R3HDM1: variants seen among roughly 807,000 people sequenced by gnomAD.
R3HDM1 encodes R3H domain-containing protein 1.
R3HDM1 carries 46 observed loss-of-function variants against 141.1 expected under a neutral mutation model. That is an observed-to-expected ratio of 0.33 (90% confidence interval 0.26 to 0.42). The LOEUF (loss-of-function observed/expected upper bound fraction) is 0.42. Among genes scored for constraint, R3HDM1 ranks in the 10% least tolerant of loss-of-function variants. R3HDM1 has a pLI of 1.00. For synonymous variants in R3HDM1, 435 were observed against 472.9 expected, an observed-to-expected ratio of 0.92 and a Z score of 1.04; for missense variants, 1,184 against 1,368.3, an observed-to-expected ratio of 0.87 and a Z score of 2.12.
Position 135,535,255 on chromosome 2 carries a change from C to G in R3HDM1, c.-250+3622C>G, listed in dbSNP as rs1204681754. On this transcript the variant is annotated intron_variant, in intron 1 of 26. Coordinates refer to ENST00000683871, the MANE Select transcript of R3HDM1 (RefSeq NM_001378107.1). ...GTGGCTCACACCTGTAATCCCAGCA[C>G]TTTCGGAGACCGAGGCAGGCAGATC... is the stretch of plus-strand genomic sequence containing the variant. Among the ~76,000 whole-genome samples the G allele has an allele frequency of 3.9e-5, 6 of 152,268 alleles. No homozygotes were observed. In the East Asian group the frequency reaches 9.6e-4, roughly 24 times the overall value.
At chr2:135,593,000 A>G (rs1225387638) in intron 1 of R3HDM1, among the ~76,000 whole-genome samples, 1 of 151,912 alleles carries the variant, frequency 6.6e-6, no homozygotes, top group Non-Finnish European at 1.5e-5. Context: ...GCTCACTGCA[A>G]CCTGTGCCTC....
chr2:135,716,971 A>AAAACAAAC (rs57745000), intron 24 of R3HDM1, among the ~76,000 whole-genome samples: 12 of 151,846 alleles, frequency 7.9e-5, no homozygotes, highest in Non-Finnish European at 1.5e-5. Flanking sequence ...AACAAACAAA[A>AAAACAAAC]AAACAAACAA....
intron 16 of R3HDM1, among the ~76,000 whole-genome samples, chr2:135,646,137 C>CTTT (rs200777494): frequency 2.9e-5 from 4 of 139,630 alleles, no homozygotes; most frequent in African/African-American, 7.9e-5. Context: ...TTTATTCTAA[C>CTTT]TTTTTTTTTT....
chr2:135,659,979 T>C (rs1024392937), intron 18 of R3HDM1, among the ~76,000 whole-genome samples: 8 of 152,216 alleles, frequency 5.3e-5, no homozygotes, highest in African/African-American at 1.9e-4. Flanking sequence ...CAATCTATCA[T>C]TGACCAAAAT....
rs370801227 is a variant in R3HDM1 at position 135,625,555 on chromosome 2, C to T, written c.497+2823C>T. ...TGGTCTGCCTCCGTTTCCTAGCTTA[C>T]AACTAAAATACCTGTAATCTCCAAA... is the stretch of plus-strand genomic sequence containing the variant. On this transcript the variant is annotated intron_variant, in intron 7 of 26. Coordinates refer to ENST00000683871, the MANE Select transcript of R3HDM1 (RefSeq NM_001378107.1). 2.0e-5 allele frequency among the ~76,000 whole-genome samples: 3 copies of T among 152,128 alleles called. No homozygotes were observed. The South Asian group carries it at 6.2e-4, about 32-fold the overall frequency.
Position 135,617,172 on chromosome 2 carries a change from A to G in R3HDM1, c.303+415A>G, listed in dbSNP as rs189182242. Among the ~76,000 whole-genome samples the G allele has an allele frequency of 2.4e-3, 363 of 151,998 alleles. 13 individuals are homozygous for G. In the East Asian group the frequency reaches 0.064, roughly 27 times the overall value. On this transcript the variant is annotated intron_variant, in intron 5 of 26. Coordinates refer to ENST00000683871, the MANE Select transcript of R3HDM1 (RefSeq NM_001378107.1). Reference sequence around the variant, plus strand: ...CCCCATCTCTACTAAAAAAAATACAAAAAAATTAGCCGGGCATGGTGGTGG... The same window carrying G: ...CCCCATCTCTACTAAAAAAAATACAGAAAAATTAGCCGGGCATGGTGGTGG...
intron 1 of R3HDM1, among the ~76,000 whole-genome samples, chr2:135,547,837 G>C (rs1171761708): frequency 7.2e-6 from 1 of 138,132 alleles, no homozygotes; most frequent in Admixed American, 8.0e-5. Context: ...GCAGTGGCAC[G>C]ATCTCGGCTC....
chr2:135,622,533 C>G, intron 6 of R3HDM1, 121 bp from the exon 7 acceptor site: 1 of 1,345,638 alleles, frequency 7.4e-7, no homozygotes, highest in Non-Finnish European at 9.6e-7. Context: ...CCTACTTTGT[C>G]GAATTTTTTT....
chr2:135,584,323 G>A lies in R3HDM1; in HGVS notation c.-249-18177G>A, dbSNP rs1217103263. ...AGCCTGGGTGACAGAACGAGATTCC[G>A]TCTAAAATAAATAAATAAATATTAA... is the stretch of plus-strand genomic sequence containing the variant. On this transcript the variant is annotated intron_variant, in intron 1 of 26. Coordinates refer to ENST00000683871, the MANE Select transcript of R3HDM1 (RefSeq NM_001378107.1). The A allele has an allele frequency of 2.3e-5, 20 of 859,674 alleles. No homozygotes were observed. The South Asian group carries it at 3.7e-4, about 16-fold the overall frequency. The allele number at this position is 859,674 out of a possible 1,614,324, so 53.3% of individuals were successfully genotyped here. A position where few individuals can be genotyped will look rare whatever the true frequency, so the allele number is the denominator to read the frequency against.
chr2:135,679,744 G>T (rs1052697920), intron 20 of R3HDM1, among the ~76,000 whole-genome samples: 1 of 152,234 alleles, frequency 6.6e-6, no homozygotes, highest in African/African-American at 2.4e-5. Flanking sequence ...AGGAAAGCCT[G>T]TTGGCAGTGT....
At chr2:135,573,888 TAAAA>T (rs971580658) in intron 1 of R3HDM1, among the ~76,000 whole-genome samples, 2 of 151,876 alleles carry the variant, frequency 1.3e-5, no homozygotes, top group African/African-American at 4.8e-5. Context: ...GGTGCTTTAA[TAAAA>T]AAATTTATAG....
At chr2:135,545,538 C>T (rs1698510221) in intron 1 of R3HDM1, among the ~76,000 whole-genome samples, 2 of 152,080 alleles carry the variant, frequency 1.3e-5, no homozygotes, top group African/African-American at 2.4e-5. Flanking sequence ...ACAGAAAGTA[C>T]GAAGGCCATG....
chr2:135,629,136 G>A (rs1030690268), intron 7 of R3HDM1, among the ~76,000 whole-genome samples: 12 of 151,930 alleles, frequency 7.9e-5, no homozygotes, highest in African/African-American at 2.7e-4. Flanking sequence ...GGACAATGTG[G>A]TGAAACCCTG....
At chr2:135,684,847 TCTC>T (rs1030994383) in intron 21 of R3HDM1, among the ~76,000 whole-genome samples, 66 of 152,018 alleles carry the variant, frequency 4.3e-4, no homozygotes, top group African/African-American at 1.6e-3. Flanking sequence ...ACTGCAACCT[TCTC>T]CTACCAGGCT....
At chr2:135,711,204 TTACCTGA>T (rs899196853) in intron 23 of R3HDM1, among the ~76,000 whole-genome samples, 39 of 152,190 alleles carry the variant, frequency 2.6e-4, no homozygotes, top group African/African-American at 9.2e-4. Flanking sequence ...CAAAAACAAA[TTACCTGA>T]TACCTGATAC....
chr2:135,574,185 T>G (rs971143690), intron 1 of R3HDM1, among the ~76,000 whole-genome samples: 1 of 152,148 alleles, frequency 6.6e-6, no homozygotes, highest in African/African-American at 2.4e-5. Context: ...AAATAACCAC[T>G]AAAAATAATT....
At chr2:135,713,801 G>A (rs1402421040) in intron 23 of R3HDM1, among the ~76,000 whole-genome samples, 1 of 152,060 alleles carries the variant, frequency 6.6e-6, no homozygotes, top group Non-Finnish European at 1.5e-5. Context: ...AAGTAAGGAA[G>A]GGATGGAAGA....
At chr2:135,617,451 A>G (rs1360016650) in intron 5 of R3HDM1, among the ~76,000 whole-genome samples, 1 of 152,118 alleles carries the variant, frequency 6.6e-6, no homozygotes, top group Non-Finnish European at 1.5e-5. Flanking sequence ...TAAAGAGACC[A>G]GCCAAGACTT....
intron 21 of R3HDM1, among the ~76,000 whole-genome samples, chr2:135,705,614 G>T (rs1559481554): frequency 6.6e-6 from 1 of 151,880 alleles, no homozygotes; most frequent in Non-Finnish European, 1.5e-5. Context: ...CCAGCCTGAG[G>T]AATAGAGTGA....
Sources: gnomAD v4.1 joint callset for allele counts (sites outside exome capture counted in the v4.1 genomes callset) on GRCh38, gnomAD v4.1.1 for gene constraint, MANE v1.5 for transcripts, NCBI Gene and HGNC (gene_info 2026-07-23, HGNC 2026-07-21) for gene names.